CD2BP2: variants seen among roughly 807,000 people sequenced by gnomAD.
The protein encoded by CD2BP2 is CD2 cytoplasmic tail binding protein 2.
CD2BP2 carries 27 observed loss-of-function variants against 35.9 expected under a neutral mutation model. That is an observed-to-expected ratio of 0.75 (90% confidence interval 0.55 to 1.04). CD2BP2 has a LOEUF of 1.04. Ranked by LOEUF, CD2BP2 falls within the 50% of genes least tolerant of loss-of-function variation. The pLI is 0.00. For missense variants in CD2BP2, 497 were observed against 444.3 expected, an observed-to-expected ratio of 1.12 and a Z score of -1.07; for synonymous variants, 213 against 173.5, an observed-to-expected ratio of 1.23 and a Z score of -1.79.
At chr16:30,354,754 G>A in intron 1 of CD2BP2, 47 bp from the exon 2 acceptor site, 3 of 1,236,000 alleles carry the variant, frequency 2.4e-6, no homozygotes, top group Non-Finnish European at 3.6e-6. Context: ...GAGGGGACTC[G>A]CCAACAGACG....
chr16:30,353,035 C>T lies in CD2BP2; in HGVS notation c.976G>A (p.Gly326Ser). The T allele has an allele frequency of 1.2e-6, 2 of 1,614,068 alleles. No homozygotes were observed. The highest frequency in any genetic ancestry group is 1.7e-6 in the Non-Finnish European group (2 of 1,179,994). The change falls in exon 7 of 7, where the codon GGT (glycine) becomes AGT (serine). Residue 326 changes from glycine (G) to serine (S), a missense_variant. Gly to Ser is a moderately conservative substitution (Grantham distance 56). Transcript: ENST00000305596. Reference sequence around the variant, plus strand: ...CGTTTGGAGTTGTAGAACTGACCACCAGGGGGGTCCAGCTTCCGGCAATAA... The same window carrying T: ...CGTTTGGAGTTGTAGAACTGACCACTAGGGGGGTCCAGCTTCCGGCAATAA... ...GVYCRKLDPP[G>S]GQFYNSKRID...
intron 1 of CD2BP2, 23 bp from the exon 2 acceptor site, chr16:30,354,730 G>C: frequency 1.3e-6 from 2 of 1,552,878 alleles, no homozygotes; most frequent in African/African-American, 2.7e-5. Context: ...TGCAGAGGAA[G>C]GGAACCGGGT....
rs748668169 is a variant in CD2BP2, at chr16:30,353,034, C to T, written c.977G>A (p.Gly326Asp). 5 of 1,613,960 alleles carry T rather than the reference C, an allele frequency of 3.1e-6. No homozygotes were observed. The highest frequency in any genetic ancestry group is 4.5e-5 in the East Asian group (2 of 44,868). Residue 326 changes from glycine to aspartate, a missense_variant, in exon 7 of 7, where the codon GGT becomes GAT. Coordinates refer to ENST00000305596, the MANE Select transcript of CD2BP2 (RefSeq NM_006110.3). ...GVYCRKLDPP[G>D]GQFYNSKRID... Reference sequence around the variant, plus strand: ...GCGTTTGGAGTTGTAGAACTGACCACCAGGGGGGTCCAGCTTCCGGCAATA... The same window carrying T: ...GCGTTTGGAGTTGTAGAACTGACCATCAGGGGGGTCCAGCTTCCGGCAATA...
Position 30,353,283 on chromosome 16 carries a change from T to A in CD2BP2, c.813A>T (p.Ala271=). Residue 271 remains alanine, a synonymous_variant, in exon 6 of 7, where the codon GCA becomes GCT. Transcript: ENST00000305596. ...CCACCAGACCATCTCCCCGCGACTC[T>A]GCTTCTAAAATAACAGGCAAAGCCA... ...ETPTPTQRGE[A]ESRGDGLVDV... 6.2e-7 allele frequency: 1 copy of A among 1,614,144 alleles called. No individual in the cohort carries two copies. Among genetic ancestry groups the A allele is most frequent in the South Asian group, 1.1e-5 (1 of 91,088 alleles).
In CD2BP2 at chr16:30,353,605, C is replaced by G; in HGVS notation, c.571G>C (p.Gly191Arg). The G allele has an allele frequency of 6.2e-7, 1 of 1,613,956 alleles. No homozygotes were observed. The highest frequency in any genetic ancestry group is 8.5e-7 in the Non-Finnish European group (1 of 1,179,922). ...AGGCGCTGAGGGGAACTGGGTTGCC[C>G]AGGCCCCTTTCTCCCTTTGCCTCCT... ...RGGGKGRKGP[G>R]QPSSPQRLDR... Residue 191 changes from glycine (G) to arginine (R), a missense_variant, in exon 5 of 7, where the codon GGG becomes CGG. Physicochemically the swap from Gly to Arg is moderately radical, Grantham distance 125. Coordinates refer to ENST00000305596, the MANE Select transcript of CD2BP2 (RefSeq NM_006110.3).
intron 3 of CD2BP2, 47 bp downstream of exon 3, chr16:30,354,137 G>A (rs1188193244): frequency 2.0e-5 from 32 of 1,612,986 alleles, no homozygotes; most frequent in Non-Finnish European, 2.7e-5. Flanking sequence ...ACCACCAGAG[G>A]CCCCTACTTG....
At position 30,351,310 on chromosome 16, in the gene CD2BP2, C is replaced by T. The variant is rs951516328; in HGVS notation, c.*1675G>A. 1 of 152,266 alleles carries T rather than the reference C, an allele frequency of 6.6e-6. No homozygotes were observed. The highest frequency in any genetic ancestry group is 6.5e-5 in the Admixed American group (1 of 15,278). The allele number at this position is 152,266 out of a possible 1,614,324, so 9.4% of individuals were successfully genotyped here. On this transcript the variant is annotated 3_prime_UTR_variant, in exon 7 of 7. Transcript: ENST00000305596. ...GCGCCCCTGGGCTCCATCCATTTAC[C>T]ACGCACGCACTCAGCACCCCTGAGA...
In CD2BP2 at chr16:30,352,696, G is replaced by A. The variant is rs924043944; in HGVS notation, c.*289C>T. ...GCAGCGCAGTTGGGGGTGTTTACAC[G>A]GCAAGCAGAGTCCAGGCAGGGAGGC... is the stretch of plus-strand genomic sequence containing the variant. On this transcript the variant is annotated 3_prime_UTR_variant, in exon 7 of 7. Coordinates refer to ENST00000305596, the MANE Select transcript of CD2BP2 (RefSeq NM_006110.3). 4 of 449,966 alleles carry A rather than the reference G, an allele frequency of 8.9e-6. No homozygotes were observed. The highest frequency in any genetic ancestry group is 7.0e-5 in the Admixed American group (2 of 28,408). 27.9% of individuals were successfully genotyped at this position (449,966 alleles called of 1,614,324 possible).
rs372310431 is a variant in CD2BP2 at position 30,354,685 on chromosome 16, G to C, written c.-4C>G. ...AGGTCACTTTCCTCTTTGGCATGAC[G>C]GGGCAAAGAGGTGTTTCTCAAGCTG... On this transcript the variant is annotated 5_prime_UTR_variant, in exon 2 of 7. Coordinates refer to ENST00000305596, the MANE Select transcript of CD2BP2 (RefSeq NM_006110.3). 1 of 1,613,392 alleles carries C rather than the reference G, an allele frequency of 6.2e-7. No homozygotes were observed. The highest frequency in any genetic ancestry group is 2.2e-5 in the East Asian group (1 of 44,866).
rs577296012 is a variant in CD2BP2, at chr16:30,354,807, T to C, written c.-26-100A>G. On this transcript the variant is annotated intron_variant, in intron 1 of 6. Transcript: ENST00000305596. ...TTCCTGGTCTGTGACAGGTACAGTTTGGGAGCGGAGGGAGCACAAAAGCAG... is the reference window on the plus strand; with the variant it reads ...TTCCTGGTCTGTGACAGGTACAGTTCGGGAGCGGAGGGAGCACAAAAGCAG... 7.0e-5 allele frequency: 62 copies of C among 888,382 alleles called. No homozygotes were observed. In the East Asian group the frequency reaches 1.4e-3, roughly 21 times the overall value. 55.0% of individuals were successfully genotyped at this position (888,382 alleles called of 1,614,324 possible). A position where few individuals can be genotyped will look rare whatever the true frequency, so the allele number is the denominator to read the frequency against.
At position 30,353,390 on chromosome 16, in the gene CD2BP2, G is replaced by A. The variant is rs752973223; in HGVS notation, c.786C>T (p.Thr262=). ...CACCTCCTCTCTGGGTAGGGGTTGG[G>A]GTCTCCAGTTCCTCCTCCGCCAACT... ...AEELAEEELE[T]PTPTQRGEAE... is the part of the protein sequence containing the mutation. Residue 262 remains threonine, a synonymous_variant, in exon 5 of 7, where the codon ACC becomes ACT. Transcript: ENST00000305596. The A allele has an allele frequency of 1.2e-6, 2 of 1,614,058 alleles. No individual in the cohort carries two copies. The highest frequency in any genetic ancestry group is 1.7e-6 in the Non-Finnish European group (2 of 1,179,978).
rs372636772 is a variant in CD2BP2, at chr16:30,352,934, C to G, written c.*51G>C. ...CGCTGCCTGAGACACTTGGTGCCTC[C>G]TCCACAAAGTCCAGGAAAGAAGGGC... is the stretch of plus-strand genomic sequence containing the variant. On this transcript the variant is annotated 3_prime_UTR_variant, in exon 7 of 7. Coordinates refer to ENST00000305596, the MANE Select transcript of CD2BP2 (RefSeq NM_006110.3). 2.1e-4 allele frequency: 253 copies of G among 1,181,744 alleles called. 3 individuals carry two copies. The South Asian group carries it at 2.2e-3, about 10-fold the overall frequency. The allele number at this position is 1,181,744 out of a possible 1,614,324, so 73.2% of individuals were successfully genotyped here.
chr16:30,353,139 G>C (rs1238501977), intron 6 of CD2BP2, 42 bp downstream of exon 6: 3 of 1,607,414 alleles, frequency 1.9e-6, no homozygotes, highest in Non-Finnish European at 2.6e-6. Flanking sequence ...ACAGGAGTGG[G>C]GGAAGCAGGG....
In CD2BP2 at chr16:30,354,326, T is replaced by C. The variant is rs1449555328; in HGVS notation, c.79-4A>G. ...ACCCAGCCACAGGGTCCACCAGCTG[T>C]GAGCAGGAGCCAGAAAGTTGAGAAA... is the stretch of plus-strand genomic sequence containing the variant. On this transcript the variant is annotated splice_polypyrimidine_tract_variant and splice_region_variant and intron_variant, in intron 2 of 6. Transcript: ENST00000305596. 6.2e-7 allele frequency: 1 copy of C among 1,608,442 alleles called. No individual in the cohort carries two copies. Among genetic ancestry groups the C allele is most frequent in the African/African-American group, 1.3e-5 (1 of 74,434 alleles).
Position 30,353,741 on chromosome 16 carries a change from G to A in CD2BP2, c.435C>T (p.Asp145=), listed in dbSNP as rs1567407221. ...QRQASDSEEE[D]SLGQTSMSAQ... is the part of the protein sequence containing the mutation. ...CACTCATTGAGGTCTGGCCCAAGCT[G>A]TCCTCCTCCTCCGAGTCTGAGGCCT... Residue 145 remains aspartate, a synonymous_variant, in exon 5 of 7, where the codon GAC becomes GAT. Transcript: ENST00000305596. 1 of 1,609,920 alleles carries A rather than the reference G, an allele frequency of 6.2e-7. No homozygotes were observed.
In CD2BP2 at chr16:30,354,689, C is replaced by A. The variant is rs779379572; in HGVS notation, c.-8G>T. The stretch of plus-strand genomic sequence containing the variant: ...CACTTTCCTCTTTGGCATGACGGGG[C>A]AAAGAGGTGTTTCTCAAGCTGAGGA... On this transcript the variant is annotated 5_prime_UTR_variant, in exon 2 of 7. Transcript: ENST00000305596. The A allele has an allele frequency of 6.0e-5, 97 of 1,613,632 alleles. No individual in the cohort carries two copies. Among genetic ancestry groups the A allele is most frequent in the Non-Finnish European group, 7.3e-5 (86 of 1,179,806 alleles).
chr16:30,354,335 G>A lies in CD2BP2; in HGVS notation c.79-13C>T, dbSNP rs200834725. The stretch of plus-strand genomic sequence containing the variant: ...CAGGGTCCACCAGCTGTGAGCAGGA[G>A]CCAGAAAGTTGAGAAATGCAGGTTA... On this transcript the variant is annotated splice_polypyrimidine_tract_variant and intron_variant, in intron 2 of 6. Transcript: ENST00000305596. 6 of 1,606,454 alleles carry A rather than the reference G, an allele frequency of 3.7e-6. No homozygotes were observed. In the Admixed American group the frequency reaches 8.7e-5, roughly 23 times the overall value.
chr16:30,354,645 C>T lies in CD2BP2; in HGVS notation c.37G>A (p.Asp13Asn). The stretch of plus-strand genomic sequence containing the variant: ...ATGATTTCATCCTCATCCTCCTCAT[C>T]TCCCACGCCTTGGAAGGTCACTTTC... ...KRKVTFQGVG[D>N]EEDEDEIIVP... is the part of the protein sequence containing the mutation. Residue 13 changes from aspartate (D) to asparagine (N), a missense_variant, in exon 2 of 7, where the codon GAT (aspartate) becomes AAT (asparagine). By Grantham distance (23) the Asp-to-Asn change is conservative. Transcript: ENST00000305596. 1.2e-6 allele frequency: 2 copies of T among 1,614,086 alleles called. No homozygotes were observed.
chr16:30,353,272 C>T lies in CD2BP2; in HGVS notation c.824G>A (p.Gly275Glu), dbSNP rs550369828. The T allele has an allele frequency of 3.1e-6, 5 of 1,614,158 alleles. No homozygotes were observed. The highest frequency in any genetic ancestry group is 1.6e-4 in the Middle Eastern group (1 of 6,062). Reference sequence around the variant, plus strand: ...CCACATCACATCCACCAGACCATCTCCCCGCGACTCTGCTTCTAAAATAAC... The same window carrying T: ...CCACATCACATCCACCAGACCATCTTCCCGCGACTCTGCTTCTAAAATAAC... Reference protein sequence around the residue: ...PTQRGEAESRGDGLVDVMWEY... With the variant: ...PTQRGEAESREDGLVDVMWEY... Residue 275 changes from glycine (G) to glutamate (E), a missense_variant, in exon 6 of 7, where the codon GGA becomes GAA. By Grantham distance (98) the Gly-to-Glu change is moderately conservative. Transcript: ENST00000305596.
Sources: gnomAD v4.1 joint callset for allele counts on GRCh38, gnomAD v4.1.1 for gene constraint, MANE v1.5 for transcripts, NCBI Gene and HGNC (gene_info 2026-07-23, HGNC 2026-07-21) for gene names.